Variants in BSN observed in about 807,000 individuals in gnomAD.
The protein encoded by BSN is protein bassoon.
Under a neutral mutation model 264.8 loss-of-function variants are expected in BSN, and 57 were observed. The observed-to-expected ratio is 0.22, with a 90% CI of 0.17 to 0.27. The LOEUF is 0.27. Ranked by LOEUF, BSN falls within the 10% of genes least tolerant of loss-of-function variation. BSN has a pLI of 1.00. For missense variants in BSN, 4,615 were observed against 5,232.5 expected, an observed-to-expected ratio of 0.88 and a Z score of 3.64; for synonymous variants, 2,059 against 2,137.3, an observed-to-expected ratio of 0.96 and a Z score of 1.01.
At position 49,656,505 on chromosome 3, in the gene BSN, G is replaced by C. The variant is rs1394930085; in HGVS notation, c.6949G>C (p.Ala2317Pro). 6 of 1,586,984 alleles carry C rather than the reference G, an allele frequency of 3.8e-6. No individual in the cohort carries two copies. The highest frequency in any genetic ancestry group is 5.1e-6 in the Non-Finnish European group (6 of 1,165,264). The change falls in exon 5 of 12, where the codon GCT becomes CCT. Residue 2317 changes from alanine (A) to proline (P), a missense_variant. Coordinates refer to ENST00000296452, the MANE Select transcript of BSN (RefSeq NM_003458.4). ...REEPLPTTTPAAIKEAAGAPA... is the reference protein window; with the variant it reads ...REEPLPTTTPPAIKEAAGAPA... ...AGAGCCTCTTCCCACAACCACCCCT[G>C]CTGCCATCAAGGAGGCTGCAGGAGC...
At chr3:49,620,292 G>A (rs1456852558) in intron 1 of BSN, among the ~76,000 whole-genome samples, 19 of 152,124 alleles carry the variant, frequency 1.2e-4, no homozygotes, top group Non-Finnish European at 1.8e-4. Flanking sequence ...GGGCATGGTG[G>A]CACATGCCTG....
rs1414050738 is a variant in BSN, at chr3:49,657,550, G to C, written c.7994G>C (p.Gly2665Ala). Residue 2665 changes from glycine to alanine, a missense_variant, in exon 5 of 12, where the codon GGC becomes GCC. Physicochemically the swap from Gly to Ala is moderately conservative, Grantham distance 60 (BLOSUM62 0). Transcript: ENST00000296452. The part of the protein sequence containing the change: ...AATVRAMSSV[G>A]IQTISDCSVQ... ...ACTGTGAGGGCCATGAGCAGCGTGG[G>C]CATCCAGACCATCAGTGACTGCTCC... The C allele has an allele frequency of 3.7e-6, 6 of 1,613,092 alleles. No individual in the cohort carries two copies. Among genetic ancestry groups the C allele is most frequent in the Non-Finnish European group, 5.1e-6 (6 of 1,180,036 alleles).
downstream of BSN, among the ~76,000 whole-genome samples, chr3:49,673,087 CTTTTTTT>C (rs71080543): frequency 4.7e-3 from 201 of 43,208 alleles, 2 homozygotes; most frequent in African/African-American, 0.013. Context: ...CCGGCCGGGA[CTTTTTTT>C]TTTTTTTTTT....
chr3:49,588,600 A>G (rs1389315111), intron 1 of BSN, among the ~76,000 whole-genome samples: 1 of 152,160 alleles, frequency 6.6e-6, no homozygotes, highest in Non-Finnish European at 1.5e-5. Flanking sequence ...TGCTATCACT[A>G]CATCCAATGT....
chr3:49,569,563 T>G (rs958446102), intron 1 of BSN, among the ~76,000 whole-genome samples: 2 of 152,192 alleles, frequency 1.3e-5, no homozygotes, highest in African/African-American at 4.8e-5. Flanking sequence ...GTATAGTTCC[T>G]GACCTCTGGG....
chr3:49,627,937 G>C (rs2052353826), intron 2 of BSN, among the ~76,000 whole-genome samples: 1 of 152,234 alleles, frequency 6.6e-6, no homozygotes, highest in Non-Finnish European at 1.5e-5. Flanking sequence ...GGGCTGGGTA[G>C]TATGCCTGGA....
At chr3:49,608,404 A>G (rs1045177146) in intron 1 of BSN, among the ~76,000 whole-genome samples, 27 of 152,200 alleles carry the variant, frequency 1.8e-4, no homozygotes, top group African/African-American at 6.5e-4. Context: ...TTCCTTTTTA[A>G]ATGTCCTTTG....
intron 1 of BSN, among the ~76,000 whole-genome samples, chr3:49,580,023 A>G (rs187480604): frequency 1.4e-4 from 22 of 152,272 alleles, no homozygotes; most frequent in Admixed American, 5.2e-4. Flanking sequence ...TAATTTTTGC[A>G]TCTATAGTAA....
chr3:49,575,635 T>C (rs1327695106), intron 1 of BSN, among the ~76,000 whole-genome samples: 3 of 99,860 alleles, frequency 3.0e-5, no homozygotes, highest in Admixed American at 1.2e-4. Flanking sequence ...AGTATATATA[T>C]GTATATATAT....
chr3:49,607,389 G>A (rs1005369404), intron 1 of BSN, among the ~76,000 whole-genome samples: 9 of 152,192 alleles, frequency 5.9e-5, no homozygotes, highest in Non-Finnish European at 1.3e-4. Context: ...TCTGGGTGTG[G>A]TGATTCAGGG....
Position 49,651,751 on chromosome 3 carries a change from G to C in BSN, c.2195G>C (p.Arg732Pro), listed in dbSNP as rs376181418. Residue 732 changes from arginine to proline, a missense_variant, in exon 5 of 12, where the codon CGG (arginine) becomes CCG (proline). Coordinates refer to ENST00000296452, the MANE Select transcript of BSN (RefSeq NM_003458.4). This position sits in a 1 kb window ranked among gnomAD's most constrained non-coding sequence, Gnocchi z 5.4. Reference sequence around the variant, plus strand: ...ATCCACAAGGTGGGGAGCAGCATGCGGCCTTTGCTGCAGGCCCAGGGCCTG... The same window carrying C: ...ATCCACAAGGTGGGGAGCAGCATGCCGCCTTTGCTGCAGGCCCAGGGCCTG... Reference protein sequence around the residue: ...SEIHKVGSSMRPLLQAQGLAP... With the variant: ...SEIHKVGSSMPPLLQAQGLAP... 8 of 1,613,512 alleles carry C rather than the reference G, an allele frequency of 5.0e-6. No individual in the cohort carries two copies. Among genetic ancestry groups the C allele is most frequent in the Non-Finnish European group, 6.8e-6 (8 of 1,179,884 alleles).
At chr3:49,596,565 G>C (rs2052024487) in intron 1 of BSN, among the ~76,000 whole-genome samples, 1 of 152,014 alleles carries the variant, frequency 6.6e-6, no homozygotes. Flanking sequence ...ATGTTGCCTA[G>C]GCTGGTCTTG....
intron 2 of BSN, among the ~76,000 whole-genome samples, chr3:49,639,408 C>T (rs2052443953): frequency 6.6e-6 from 1 of 152,080 alleles, no homozygotes; most frequent in Non-Finnish European, 1.5e-5. Context: ...CCATGTTAGC[C>T]AGGATGGTCT....
In BSN at chr3:49,650,830, C is replaced by A; in HGVS notation, c.1737C>A (p.Ala579=). The change falls in exon 4 of 12, where the codon GCC becomes GCA. Residue 579 remains alanine (A), a synonymous_variant. Coordinates refer to ENST00000296452, the MANE Select transcript of BSN (RefSeq NM_003458.4). ...AGGCCAGCCCTCTATCCACCAAGGC[C>A]AGCCCTCTGCCCAGCAAGGCCAGCC... The part of the protein sequence containing the change: ...PAKASPLSTK[A]SPLPSKASPQ... 1.2e-6 allele frequency: 2 copies of A among 1,614,144 alleles called. No homozygotes were observed. The highest frequency in any genetic ancestry group is 1.7e-6 in the Non-Finnish European group (2 of 1,179,990).
intron 1 of BSN, among the ~76,000 whole-genome samples, chr3:49,569,172 A>G (rs1291080407): frequency 3.3e-5 from 5 of 152,108 alleles, no homozygotes; most frequent in African/African-American, 9.7e-5. Flanking sequence ...GTTGTTTTTT[A>G]GAGGCACCCA....
chr3:49,651,276 G>A lies in BSN; in HGVS notation c.1986+197G>A. 1.6e-6 allele frequency: 1 copy of A among 644,154 alleles called. No homozygotes were observed. Among genetic ancestry groups the A allele is most frequent in the Non-Finnish European group, 2.6e-6 (1 of 387,184 alleles). The allele number at this position is 644,154 out of a possible 1,614,324, so 39.9% of individuals were successfully genotyped here. On this transcript the variant is annotated intron_variant, in intron 4 of 11. Coordinates refer to ENST00000296452, the MANE Select transcript of BSN (RefSeq NM_003458.4). The surrounding 1 kb of genome is among the most constrained non-coding windows in gnomAD (Gnocchi z 5.4). ...AGACTGTGGGTTTTACACTGGTGCT[G>A]TGTCTGGCACCTTGTCAGATGCTTT...
rs1269764386 is a variant in BSN, at chr3:49,595,261, C to T, written c.225-29714C>T. 7.4e-5 allele frequency among the ~76,000 whole-genome samples: 11 copies of T among 149,134 alleles called. No homozygotes were observed. The East Asian group carries it at 9.8e-4, about 13-fold the overall frequency. On this transcript the variant is annotated intron_variant, in intron 1 of 11. Transcript: ENST00000296452. The stretch of plus-strand genomic sequence containing the variant: ...AGGCTGGAGTGCAATGGCACGATCT[C>T]GGCTCACTGCAATCTCCACCTCCTA...
rs771472968 is a variant in BSN at position 49,625,097 on chromosome 3, G to A, written c.347G>A (p.Gly116Glu). 20 of 1,605,220 alleles carry A rather than the reference G, an allele frequency of 1.2e-5. No homozygotes were observed. The highest frequency in any genetic ancestry group is 1.0e-4 in the South Asian group (9 of 89,592). ...HESPRETRAQ[G>E]PAGQEADGPR... is the part of the protein sequence containing the mutation. The stretch of plus-strand genomic sequence containing the variant: ...AGCCCCCGAGAGACAAGGGCACAGG[G>A]ACCAGCAGGCCAGGAGGCTGATGGT... Residue 116 changes from glycine (G) to glutamate (E), a missense_variant, in exon 2 of 12, where the codon GGA (glycine) becomes GAA (glutamate). By Grantham distance (98) the Gly-to-Glu change is moderately conservative. Transcript: ENST00000296452. This position sits in a 1 kb window ranked among gnomAD's most constrained non-coding sequence, Gnocchi z 4.4.
chr3:49,657,597 C>T lies in BSN; in HGVS notation c.8041C>T (p.Leu2681=). 6.2e-7 allele frequency: 1 copy of T among 1,611,180 alleles called. No individual in the cohort carries two copies. Among genetic ancestry groups the T allele is most frequent in the African/African-American group, 1.3e-5 (1 of 75,042 alleles). Residue 2681 remains leucine (L), a synonymous_variant, in exon 5 of 12, where the codon CTG becomes TTG. Transcript: ENST00000296452. ...DCSVQTEPDQ[L]PRVSPAIHIT... ...CTCCGTGCAGACGGAGCCTGACCAG[C>T]TGCCCAGGGTCTCTCCAGCCATCCA...
Sources: gnomAD v4.1 joint callset for allele counts (sites outside exome capture counted in the v4.1 genomes callset) on GRCh38, gnomAD v4.1.1 for gene constraint, Gnocchi (gnomAD v3.1) non-coding constraint, MANE v1.5 for transcripts, NCBI Gene and HGNC (gene_info 2026-07-23, HGNC 2026-07-21) for gene names.